The following GPATCH8 variants were observed in gnomAD, a reference collection of about 807,000 sequenced individuals.
GPATCH8 encodes the protein G-patch domain containing 8.
Under a neutral mutation model 118.3 loss-of-function variants are expected in GPATCH8, and 18 were observed. The ratio of observed to expected loss-of-function variants is 0.15; its 90% CI spans 0.11 to 0.23. The LOEUF (loss-of-function observed/expected upper bound fraction) is 0.23, where lower values mean the gene tolerates loss of function less well. Among genes scored for constraint, GPATCH8 ranks in the 10% least tolerant of loss-of-function variants. The pLI is 1.00. For missense variants in GPATCH8, 1,631 were observed against 1,873.8 expected (o/e 0.87, Z 2.39); for synonymous variants, 659 against 684.7 (o/e 0.96, Z 0.59).
At chr17:44,429,687 A>ACACACACAC (rs58829323) in intron 5 of GPATCH8, among the ~76,000 whole-genome samples, 78 of 73,726 alleles carry the variant, frequency 1.1e-3, no homozygotes, top group Non-Finnish European at 2.1e-3. Context: ...CACACACACA[A>ACACACACAC]AACAACAAAC....
chr17:44,441,397 C>T (rs1037747637), intron 3 of GPATCH8, among the ~76,000 whole-genome samples: 1 of 152,208 alleles, frequency 6.6e-6, no homozygotes, highest in Non-Finnish European at 1.5e-5. Context: ...CTGCTTTCCC[C>T]TTACAGAGAT....
chr17:44,398,039 T>C lies in GPATCH8; in HGVS notation c.4038A>G (p.Ser1346=). The C allele has an allele frequency of 1.2e-6, 2 of 1,613,940 alleles. No individual in the cohort carries two copies. The highest frequency in any genetic ancestry group is 1.7e-6 in the Non-Finnish European group (2 of 1,179,868). The change falls in exon 8 of 8, where the codon TCA becomes TCG. Residue 1346 remains serine, a synonymous_variant. Transcript: ENST00000591680. ...LAKQVKAFPA[S]AALAPATPAL... ...CTGGTGTGGCTGGGGCCAGGGCAGC[T>C]GAGGCTGGAAAGGCCTTTACTTGCT...
rs150608601 is a variant in GPATCH8 at position 44,401,155 on chromosome 17, C to T, written c.922G>A (p.Ala308Thr). 687 of 1,614,106 alleles carry T rather than the reference C, an allele frequency of 4.3e-4. 3 individuals are homozygous for T. In the African/African-American group the frequency reaches 7.9e-3, roughly 19 times the overall value. ...LGVSFSFAKK[A>T]PVKLESIASV... Reference sequence around the variant, plus strand: ...GCTATTGATTCGAGTTTGACAGGAGCCTTTTTGGCAAAAGAAAATGACACT... The same window carrying T: ...GCTATTGATTCGAGTTTGACAGGAGTCTTTTTGGCAAAAGAAAATGACACT... Residue 308 changes from alanine (A) to threonine (T), a missense_variant, in exon 8 of 8, where the codon GCT becomes ACT. Ala to Thr is a moderately conservative substitution (Grantham distance 58). Around this residue, in one of 8 missense-constraint regions of GPATCH8, gnomAD observed 405 missense variants for 462.7 expected, o/e 0.88. Coordinates refer to ENST00000591680, the MANE Select transcript of GPATCH8 (RefSeq NM_001002909.4).
intron 6 of GPATCH8, among the ~76,000 whole-genome samples, chr17:44,421,694 C>G (rs1409267995): frequency 6.7e-6 from 1 of 149,322 alleles, no homozygotes; most frequent in Non-Finnish European, 1.5e-5. Flanking sequence ...ACTCTGAAGT[C>G]ATCGACTAGT....
intron 5 of GPATCH8, among the ~76,000 whole-genome samples, chr17:44,432,183 A>T (rs1157354982): frequency 1.3e-5 from 2 of 152,152 alleles, no homozygotes; most frequent in Non-Finnish European, 2.9e-5. Context: ...TTGATAAGAC[A>T]GGGAGAGTTA....
chr17:44,445,531 G>A (rs1418412817), intron 3 of GPATCH8, among the ~76,000 whole-genome samples: 1 of 150,922 alleles, frequency 6.6e-6, no homozygotes, highest in Non-Finnish European at 1.5e-5. Context: ...CTAAGATGGA[G>A]TTTCACTCTT....
intron 1 of GPATCH8, among the ~76,000 whole-genome samples, chr17:44,497,325 C>T (rs1383394538): frequency 6.6e-6 from 1 of 152,186 alleles, no homozygotes; most frequent in Non-Finnish European, 1.5e-5. Flanking sequence ...TACAGTGGCA[C>T]ATGCCTGTAA....
intron 3 of GPATCH8, among the ~76,000 whole-genome samples, chr17:44,457,456 T>A (rs1320831905): frequency 6.6e-6 from 1 of 152,172 alleles, no homozygotes; most frequent in Non-Finnish European, 1.5e-5. Context: ...CTTAAAACGA[T>A]GTGTGAGATG....
intron 7 of GPATCH8, among the ~76,000 whole-genome samples, chr17:44,401,945 A>C (rs539294312): frequency 5.3e-5 from 8 of 151,758 alleles, no homozygotes; most frequent in Non-Finnish European, 1.2e-4. Flanking sequence ...TGGAGGTTGC[A>C]GTGAGCCAAG....
At chr17:44,463,533 C>T (rs948754890) in intron 3 of GPATCH8, among the ~76,000 whole-genome samples, 4 of 152,222 alleles carry the variant, frequency 2.6e-5, no homozygotes, top group Non-Finnish European at 4.4e-5. Flanking sequence ...CAGGCATGTG[C>T]CACCACGCCT....
chr17:44,399,526 G>A lies in GPATCH8; in HGVS notation c.2551C>T (p.Arg851Cys), dbSNP rs554310488. The A allele has an allele frequency of 5.8e-5, 93 of 1,614,170 alleles. 3 individuals are homozygous for A. In the South Asian group the frequency reaches 7.5e-4, roughly 13 times the overall value. The change falls in exon 8 of 8, where the codon CGC becomes TGC. Residue 851 changes from arginine (R) to cysteine (C), a missense_variant. This residue lies in a region of GPATCH8 where 922 missense variants were observed against 879.7 expected (regional missense o/e 1.05). Coordinates refer to ENST00000591680, the MANE Select transcript of GPATCH8 (RefSeq NM_001002909.4). ...EEEDSGSEHS[R>C]SRSRSGRRHS... is the part of the protein sequence containing the mutation. Reference sequence around the variant, plus strand: ...CGCCGGCCAGACCTTGAGCGGCTGCGGGAATGCTCACTGCCTGAATCTTCC... The same window carrying A: ...CGCCGGCCAGACCTTGAGCGGCTGCAGGAATGCTCACTGCCTGAATCTTCC...
intron 1 of GPATCH8, among the ~76,000 whole-genome samples, chr17:44,483,154 C>CAAAAAAAAAAAAAAAAAAAAA (rs1178488342): frequency 1.2e-3 from 1 of 846 alleles, no homozygotes; most frequent in Non-Finnish European, 2.0e-3. Flanking sequence ...GACTCCGTCT[C>CAAAAAAAAAAAAAAAAAAAAA]AAAAAAAAAA....
At chr17:44,479,250 C>T (rs1421671422) in intron 1 of GPATCH8, among the ~76,000 whole-genome samples, 2 of 152,214 alleles carry the variant, frequency 1.3e-5, no homozygotes, top group Admixed American at 6.5e-5. Context: ...GCAAAATCAT[C>T]TTTTAATCTT....
chr17:44,450,166 C>T (rs570385655), intron 3 of GPATCH8, among the ~76,000 whole-genome samples: 32 of 152,262 alleles, frequency 2.1e-4, no homozygotes, highest in Admixed American at 3.3e-4. Flanking sequence ...GATGAGCTCA[C>T]AAAGTAGTAA....
chr17:44,429,438 T>C (rs2050210914), intron 5 of GPATCH8, among the ~76,000 whole-genome samples: 1 of 151,994 alleles, frequency 6.6e-6, no homozygotes, highest in Non-Finnish European at 1.5e-5. Flanking sequence ...AGAAAATAAA[T>C]AAATGTCACA....
chr17:44,436,691 G>C, intron 3 of GPATCH8, 146 bp from the exon 4 acceptor site: 1 of 706,736 alleles, frequency 1.4e-6, no homozygotes, highest in Non-Finnish European at 2.6e-6. Context: ...CATTCTCACA[G>C]CTTACACTCA....
intron 6 of GPATCH8, among the ~76,000 whole-genome samples, chr17:44,423,234 C>T (rs9899760): frequency 0.5 from 75,908 of 151,758 alleles, 20,657 homozygotes; most frequent in Middle Eastern, 0.62. Context: ...AGCAAAACTC[C>T]GTCTCAAAAA....
At chr17:44,401,476 A>G (rs758517901) in intron 7 of GPATCH8, 23 bp from the exon 8 acceptor site, 1 of 1,483,682 alleles carries the variant, frequency 6.7e-7, no homozygotes, top group Admixed American at 1.7e-5. Flanking sequence ...TTAGAAAAAT[A>G]AAAAACAAAA....
rs964899517 is a variant in GPATCH8 at position 44,398,459 on chromosome 17, G to T, written c.3618C>A (p.Pro1206=). The T allele has an allele frequency of 6.8e-6, 11 of 1,612,390 alleles. No individual in the cohort carries two copies. The African/African-American group carries it at 1.3e-4, about 20-fold the overall frequency. The part of the protein sequence containing the change: ...EETTGPLLDP[P]PEESKSGEAT... Reference sequence around the variant, plus strand: ...CTTCTCCAGACTTTGACTCTTCTGGGGGTGGGTCTAATAAGGGGCCAGTTG... The same window carrying T: ...CTTCTCCAGACTTTGACTCTTCTGGTGGTGGGTCTAATAAGGGGCCAGTTG... Residue 1206 remains proline (P), a synonymous_variant, in exon 8 of 8, where the codon CCC becomes CCA. Coordinates refer to ENST00000591680, the MANE Select transcript of GPATCH8 (RefSeq NM_001002909.4).
Sources: allele counts gnomAD v4.1 joint callset (sites outside exome capture counted in the v4.1 genomes callset), GRCh38; gene constraint gnomAD v4.1.1; regional missense constraint gnomAD v4.1.1; transcripts MANE v1.5; gene names NCBI Gene and HGNC (gene_info 2026-07-23, HGNC 2026-07-21).